Variants in GRK7 observed in about 807,000 individuals in gnomAD.
The protein encoded by GRK7 is G protein-coupled receptor kinase 7.
A neutral mutation model predicts 34.1 loss-of-function variants in GRK7; 24 were observed. The observed-to-expected ratio is 0.70, with a 90% CI of 0.51 to 0.99. The LOEUF (loss-of-function observed/expected upper bound fraction) is 0.99. Ranked by LOEUF, GRK7 falls within the 50% of genes least tolerant of loss-of-function variation. The pLI, the probability that GRK7 is intolerant of heterozygous loss-of-function variation, is 0.00. For missense variants in GRK7, 644 were observed against 707.3 expected (o/e 0.91, Z 1.02); for synonymous variants, 256 against 279.4 (o/e 0.92, Z 0.84).
the GRK7 span, among the ~76,000 whole-genome samples, chr3:141,756,544 C>T: frequency 3.9e-5 from 6 of 152,110 alleles, no homozygotes; most frequent in African/African-American, 1.4e-4. Context: ...GGGAAACTTT[C>T]AGCAGTGAGG....
Position 141,777,322 on chromosome 3 carries a change from CTTTTTT to C in GRK7, c.-113-835_-113-830del, listed in dbSNP as rs770173065. Among the ~76,000 whole-genome samples the C allele has an allele frequency of 5.7e-5, 3 of 52,872 alleles. 1 individual carries two copies. The highest frequency in any genetic ancestry group is 9.0e-5 in the African/African-American group (1 of 11,156). The allele number at this position is 52,872 out of a possible 152,430, so 34.7% of individuals were successfully genotyped here. On this transcript the variant is annotated intron_variant, in intron 2 of 5. Coordinates refer to ENST00000682958, the MANE Select transcript of GRK7 (RefSeq NM_139209.3). ...TATGTTTTGGGTGGAGATGGCCCCT[CTTTTTT>C]TTTTTTTTTTTTTTGAGACGGAGTC...
rs563044375 is a variant in GRK7, at chr3:141,818,805, A to C, written c.*1755A>C. Among the ~76,000 whole-genome samples the C allele has an allele frequency of 6.6e-6, 1 of 152,334 alleles. No homozygotes were observed. The highest frequency in any genetic ancestry group is 1.9e-4 in the East Asian group (1 of 5,188). The stretch of plus-strand genomic sequence containing the variant: ...TCAAGAGCTGCAAAAGTGCCGGTCA[A>C]AAAAATGTTGGTTAACTGGAATCTG... On this transcript the variant is annotated 3_prime_UTR_variant, in exon 6 of 6. Transcript: ENST00000682958.
rs1017388443 is a variant in GRK7, at chr3:141,763,913, C to G, written c.-2040C>G. 6.6e-5 allele frequency among the ~76,000 whole-genome samples: 10 copies of G among 152,170 alleles called. No homozygotes were observed. The highest frequency in any genetic ancestry group is 2.4e-4 in the African/African-American group (10 of 41,436). ...ATTTTGTTTTCCCTAAAACCTGGTT[C>G]TCCCCCAAGGACACTGTTTCTTCTG... On this transcript the variant is annotated 5_prime_UTR_variant, in exon 1 of 6. Coordinates refer to ENST00000682958, the MANE Select transcript of GRK7 (RefSeq NM_139209.3).
At chr3:141,752,654 CACTT>C in the GRK7 span, among the ~76,000 whole-genome samples, 25 of 152,258 alleles carry the variant, frequency 1.6e-4, no homozygotes, top group Admixed American at 1.0e-3. Flanking sequence ...TATATTAACT[CACTT>C]AATCTTTGCA....
chr3:141,805,056 G>GCC (rs1295369635), intron 4 of GRK7, among the ~76,000 whole-genome samples: 1 of 57,290 alleles, frequency 1.7e-5, no homozygotes, highest in Non-Finnish European at 3.1e-5. Context: ...ACACTCATAT[G>GCC]CCCACACACA....
At chr3:141,777,372 G>T (rs1381573978) in intron 2 of GRK7, among the ~76,000 whole-genome samples, 1 of 106,042 alleles carries the variant, frequency 9.4e-6, no homozygotes, top group Non-Finnish European at 1.8e-5. Flanking sequence ...TGGCCCAGAC[G>T]GGAGTGCAGT....
intron 4 of GRK7, among the ~76,000 whole-genome samples, chr3:141,784,537 T>A (rs1371660203): frequency 1.3e-5 from 2 of 152,164 alleles, no homozygotes; most frequent in African/African-American, 2.4e-5. Context: ...TCTACACAGC[T>A]AAGTAAACCC....
chr3:141,810,740 C>A (rs1056048443), intron 5 of GRK7, among the ~76,000 whole-genome samples: 22 of 152,226 alleles, frequency 1.4e-4, no homozygotes, highest in Non-Finnish European at 2.8e-4. Context: ...TGGTCTCGAT[C>A]CCACACACTT....
At chr3:141,810,110 A>G (rs1177944595) in intron 5 of GRK7, among the ~76,000 whole-genome samples, 1 of 152,234 alleles carries the variant, frequency 6.6e-6, no homozygotes, top group Non-Finnish European at 1.5e-5. Flanking sequence ...AGCCTTAATA[A>G]GAAAAGACTG....
chr3:141,787,832 A>G (rs1357134709), intron 4 of GRK7, among the ~76,000 whole-genome samples: 1 of 140,236 alleles, frequency 7.1e-6, no homozygotes, highest in East Asian at 2.0e-4. Context: ...ACATAGCAAG[A>G]CTTTGTCTCT....
Position 141,778,610 on chromosome 3 carries a change from T to C in GRK7, c.326T>C (p.Leu109Pro). 1 of 1,612,388 alleles carries C rather than the reference T, an allele frequency of 6.2e-7. No individual in the cohort carries two copies. The highest frequency in any genetic ancestry group is 2.2e-5 in the East Asian group (1 of 44,848). ...ACCAAAGACAGCGCGCTGCAGGGGC[T>C]GGTGGCCACTTGTGCGAGTGCCCCT... ...GPTKDSALQGLVATCASAPAP... is the reference protein window; with the variant it reads ...GPTKDSALQGPVATCASAPAP... Residue 109 changes from leucine to proline, a missense_variant, in exon 3 of 6, where the codon CTG (leucine) becomes CCG (proline). By Grantham distance (98) the Leu-to-Pro change is moderately conservative. Transcript: ENST00000682958. The surrounding 1 kb of genome is among the most constrained non-coding windows in gnomAD (Gnocchi z 4.1).
At chr3:141,811,037 G>A (rs887049072) in intron 5 of GRK7, among the ~76,000 whole-genome samples, 6 of 152,080 alleles carry the variant, frequency 3.9e-5, no homozygotes, top group South Asian at 2.1e-4. Context: ...TATCTTGGCC[G>A]GGCGCGGTGT....
intron 4 of GRK7, among the ~76,000 whole-genome samples, chr3:141,789,082 T>G (rs1376119061): frequency 6.6e-6 from 1 of 152,164 alleles, no homozygotes; most frequent in Non-Finnish European, 1.5e-5. Flanking sequence ...CCTAAAGTAC[T>G]GGGATTGCAG....
At chr3:141,782,463 G>A (rs749758673) in intron 4 of GRK7, among the ~76,000 whole-genome samples, 15 of 152,168 alleles carry the variant, frequency 9.9e-5, no homozygotes, top group Non-Finnish European at 2.2e-4. Flanking sequence ...TCCTGTAGAA[G>A]GGACAGGCAG....
chr3:141,803,550 T>C lies in GRK7; in HGVS notation c.1051-4095T>C, dbSNP rs1400363265. On this transcript the variant is annotated intron_variant, in intron 4 of 5. Coordinates refer to ENST00000682958, the MANE Select transcript of GRK7 (RefSeq NM_139209.3). ...TCAGCAGTCACTTCCATTACACTGC[T>C]CTTCCACCCCTAAGCAACCATTCAT... is the stretch of plus-strand genomic sequence containing the variant. Among the ~76,000 whole-genome samples, 3 of 152,338 alleles carry C rather than the reference T, an allele frequency of 2.0e-5. No homozygotes were observed. In the East Asian group the frequency reaches 5.8e-4, roughly 29 times the overall value.
chr3:141,767,219 T>C (rs1442927537), intron 1 of GRK7, among the ~76,000 whole-genome samples: 3 of 152,206 alleles, frequency 2.0e-5, no homozygotes, highest in Admixed American at 6.5e-5. Context: ...ATTTTCACCA[T>C]CTATTCTTGG....
intron 4 of GRK7, among the ~76,000 whole-genome samples, chr3:141,783,553 C>T (rs13059259): frequency 0.018 from 2,779 of 152,182 alleles, 69 homozygotes; most frequent in Admixed American, 0.054. Context: ...GAGGTAACGT[C>T]GCCTGTGGGA....
the GRK7 span, among the ~76,000 whole-genome samples, chr3:141,750,986 A>T: frequency 7.9e-5 from 12 of 152,070 alleles, no homozygotes; most frequent in African/African-American, 2.9e-4. Flanking sequence ...GTAGTGTGTG[A>T]TGGCCATGCC....
intron 2 of GRK7, among the ~76,000 whole-genome samples, 193 bp downstream of exon 2, chr3:141,774,873 G>A (rs1461092645): frequency 6.6e-6 from 1 of 151,744 alleles, no homozygotes; most frequent in African/African-American, 2.4e-5. Context: ...GTTCACTGCA[G>A]CTTCCGCCTC....
Sources: gnomAD v4.1 joint callset for allele counts (sites outside exome capture counted in the v4.1 genomes callset) on GRCh38, gnomAD v4.1.1 for gene constraint, Gnocchi (gnomAD v3.1) non-coding constraint, MANE v1.5 for transcripts, NCBI Gene and HGNC (gene_info 2026-07-23, HGNC 2026-07-21) for gene names.